ROBO1: variants seen among roughly 807,000 people sequenced by gnomAD.
ROBO1 encodes the protein roundabout guidance receptor 1.
Under a neutral mutation model 195.9 loss-of-function variants are expected in ROBO1, and 149 were observed. The observed-to-expected ratio is 0.76, with a 90% CI of 0.67 to 0.87. The LOEUF is 0.87. Ranked by LOEUF, ROBO1 falls within the 40% of genes least tolerant of loss-of-function variation. ROBO1 has a pLI of 0.00. For synonymous variants in ROBO1, 816 were observed against 733.2 expected (o/e 1.11, Z -1.82); for missense variants, 1,933 against 2,068.3 (o/e 0.93, Z 1.27).
intron 1 of ROBO1, among the ~76,000 whole-genome samples, chr3:79,641,593 T>G (rs1252481749): frequency 6.6e-6 from 1 of 151,950 alleles, no homozygotes; most frequent in Non-Finnish European, 1.5e-5. Flanking sequence ...AACGAAACAG[T>G]GACTGATCCT....
At chr3:79,620,698 C>G (rs538540109) in intron 1 of ROBO1, among the ~76,000 whole-genome samples, 3 of 152,126 alleles carry the variant, frequency 2.0e-5, no homozygotes, top group South Asian at 4.1e-4. Context: ...CTACCTTAAA[C>G]CATAAGTATG....
chr3:78,720,958 G>A (rs560273535), intron 5 of ROBO1, among the ~76,000 whole-genome samples: 13 of 151,044 alleles, frequency 8.6e-5, no homozygotes, highest in Non-Finnish European at 1.6e-4. Flanking sequence ...GTTGGGGGGG[G>A]GGCGGTGGAG....
intron 3 of ROBO1, among the ~76,000 whole-genome samples, chr3:78,985,044 T>C (rs2077074784): frequency 6.6e-6 from 1 of 152,164 alleles, no homozygotes; most frequent in African/African-American, 2.4e-5. Flanking sequence ...TGATTTGCAG[T>C]GGCTCGCACC....
intron 8 of ROBO1, among the ~76,000 whole-genome samples, chr3:78,709,725 G>T (rs2108002730): frequency 6.6e-6 from 1 of 152,214 alleles, no homozygotes; most frequent in East Asian, 1.9e-4. Flanking sequence ...GAGGATATTT[G>T]CTCATGGATA....
chr3:79,103,093 T>C (rs2079709807), intron 3 of ROBO1, among the ~76,000 whole-genome samples: 1 of 151,836 alleles, frequency 6.6e-6, no homozygotes, highest in African/African-American at 2.4e-5. Flanking sequence ...AACCAATACA[T>C]GTGTTTAACT....
intron 3 of ROBO1, among the ~76,000 whole-genome samples, chr3:79,036,772 T>A (rs2078387721): frequency 6.6e-6 from 1 of 152,142 alleles, no homozygotes; most frequent in Non-Finnish European, 1.5e-5. Context: ...AATTACTGAA[T>A]TATCCAGGGC....
chr3:79,202,255 G>A (rs941565028), intron 2 of ROBO1, among the ~76,000 whole-genome samples: 5 of 151,992 alleles, frequency 3.3e-5, no homozygotes, highest in African/African-American at 1.2e-4. Flanking sequence ...TTAAAATACA[G>A]TAAGTTCAGT....
At chr3:79,514,261 T>TTATTC in intron 2 of ROBO1, among the ~76,000 whole-genome samples, 1 of 152,146 alleles carries the variant, frequency 6.6e-6, no homozygotes, top group Non-Finnish European at 1.5e-5. Flanking sequence ...ATTTGGGGCC[T>TTATTC]CAATTCCAAA....
chr3:79,570,189 TTCCTA>T (rs1043423089), intron 2 of ROBO1, among the ~76,000 whole-genome samples: 7 of 152,100 alleles, frequency 4.6e-5, no homozygotes, highest in African/African-American at 1.4e-4. Flanking sequence ...GGTGAACAAT[TTCCTA>T]TTACCTCTAG....
chr3:79,426,637 G>C (rs2038457196), intron 2 of ROBO1, among the ~76,000 whole-genome samples: 2 of 151,988 alleles, frequency 1.3e-5, no homozygotes, highest in Non-Finnish European at 2.9e-5. Context: ...CAAACTTCTG[G>C]GATTACAGGC....
At chr3:79,720,992 T>C (rs1702676177) in intron 1 of ROBO1, among the ~76,000 whole-genome samples, 1 of 152,114 alleles carries the variant, frequency 6.6e-6, no homozygotes, top group African/African-American at 2.4e-5. Flanking sequence ...CAGGTTTTCA[T>C]CGTGTTAGCC....
At chr3:78,636,620 G>A (rs1027450396) in intron 22 of ROBO1, among the ~76,000 whole-genome samples, 2 of 151,862 alleles carry the variant, frequency 1.3e-5, no homozygotes, top group African/African-American at 4.8e-5. Context: ...AAAAGATATG[G>A]GAACAGGGGT....
At chr3:78,998,332 G>T (rs1295316394) in intron 3 of ROBO1, among the ~76,000 whole-genome samples, 1 of 152,110 alleles carries the variant, frequency 6.6e-6, no homozygotes, top group Non-Finnish European at 1.5e-5. Context: ...TAGGCCGGAA[G>T]AACTAGTTTT....
At chr3:78,898,367 A>T (rs1467173534) in intron 4 of ROBO1, among the ~76,000 whole-genome samples, 2 of 146,828 alleles carry the variant, frequency 1.4e-5, no homozygotes, top group South Asian at 4.3e-4. Context: ...AGACAGATAG[A>T]TAGATAGATA....
At chr3:79,454,703 C>T (rs1385272508) in intron 2 of ROBO1, among the ~76,000 whole-genome samples, 1 of 152,106 alleles carries the variant, frequency 6.6e-6, no homozygotes, top group Non-Finnish European at 1.5e-5. Context: ...TTTCCTTTCA[C>T]TTATTCAATT....
At chr3:79,451,256 G>C (rs1159105358) in intron 2 of ROBO1, among the ~76,000 whole-genome samples, 2 of 152,062 alleles carry the variant, frequency 1.3e-5, no homozygotes, top group East Asian at 1.9e-4. Flanking sequence ...CACAAAAAAT[G>C]TCAAAGATCA....
intron 3 of ROBO1, among the ~76,000 whole-genome samples, chr3:78,996,757 G>A (rs937039927): frequency 7.9e-5 from 12 of 151,746 alleles, no homozygotes; most frequent in East Asian, 1.9e-4. Flanking sequence ...GGCTAACAAC[G>A]CCATTTGTTA....
At chr3:78,813,980 T>C (rs1429660242) in intron 4 of ROBO1, among the ~76,000 whole-genome samples, 1 of 152,032 alleles carries the variant, frequency 6.6e-6, no homozygotes, top group African/African-American at 2.4e-5. Flanking sequence ...TCCCAAATCC[T>C]AGTCTCATTA....
intron 2 of ROBO1, among the ~76,000 whole-genome samples, chr3:79,229,711 T>C (rs1371462893): frequency 6.6e-6 from 1 of 152,098 alleles, no homozygotes; most frequent in Non-Finnish European, 1.5e-5. Context: ...TGAGCCATCG[T>C]GCCTGGCCAG....
Sources: allele counts gnomAD v4.1 joint callset (sites outside exome capture counted in the v4.1 genomes callset), GRCh38; gene constraint gnomAD v4.1.1; transcripts MANE v1.5; gene names NCBI Gene and HGNC (gene_info 2026-07-23, HGNC 2026-07-21).